The following PARP15 variants were observed in gnomAD, a reference collection of about 807,000 sequenced individuals.
The protein encoded by PARP15 is protein mono-ADP-ribosyltransferase PARP15.
PARP15 carries 50 observed loss-of-function variants against 62.1 expected under a neutral mutation model. That is an observed-to-expected ratio of 0.81 (90% CI 0.64 to 1.02). PARP15 has a LOEUF of 1.02. Among genes scored for constraint, PARP15 ranks in the 50% least tolerant of loss-of-function variants. The pLI, the probability that PARP15 is intolerant of heterozygous loss-of-function variation, is 0.00. For missense variants in PARP15, 820 were observed against 826.5 expected, an observed-to-expected ratio of 0.99 and a Z score of 0.10; for synonymous variants, 309 against 293.1, an observed-to-expected ratio of 1.05 and a Z score of -0.55.
chr3:122,629,614 C>T lies in PARP15; in HGVS notation c.1439-2472C>T, dbSNP rs552900438. On this transcript the variant is annotated intron_variant, in intron 9 of 11. Transcript: ENST00000464300. Reference sequence around the variant, plus strand: ...TGAAGGGGGTGGTTTCAGGATGGTCCGAGTGCATTACATTTATTGTCCACT... The same window carrying T: ...TGAAGGGGGTGGTTTCAGGATGGTCTGAGTGCATTACATTTATTGTCCACT... Among the ~76,000 whole-genome samples, 18 of 152,140 alleles carry T rather than the reference C, an allele frequency of 1.2e-4. 1 individual carries two copies. The East Asian group carries it at 2.5e-3, about 21-fold the overall frequency.
In PARP15 at chr3:122,615,096, A is replaced by G. The variant is rs1036595839; in HGVS notation, c.772-683A>G. 7.1e-6 allele frequency: 7 copies of G among 984,688 alleles called. No individual in the cohort carries two copies. The African/African-American group carries it at 1.2e-4, about 17-fold the overall frequency. 61.0% of individuals were successfully genotyped at this position (984,688 alleles called of 1,614,324 possible). A position where few individuals can be genotyped will look rare whatever the true frequency, so the allele number is the denominator to read the frequency against. ...AAAGAGAAAAAGAAAAAGTAGAAAC[A>G]GTCCCAAAGATACCTGAAAAGAAAG... On this transcript the variant is annotated intron_variant, in intron 4 of 11. Transcript: ENST00000464300.
At chr3:122,591,485 A>T (rs936994943) in intron 1 of PARP15, among the ~76,000 whole-genome samples, 1 of 152,174 alleles carries the variant, frequency 6.6e-6, no homozygotes, top group African/African-American at 2.4e-5. Flanking sequence ...TATTGGGGCC[A>T]GGCACAGTGG....
intron 1 of PARP15, among the ~76,000 whole-genome samples, chr3:122,592,892 A>G (rs2107480276): frequency 1.3e-5 from 2 of 152,314 alleles, no homozygotes; most frequent in East Asian, 3.9e-4. Context: ...TATTAATGCT[A>G]CAGCAAGAAT....
intron 9 of PARP15, among the ~76,000 whole-genome samples, chr3:122,628,476 A>AT (rs1936870686): frequency 2.0e-5 from 3 of 152,054 alleles, no homozygotes; most frequent in African/African-American, 2.4e-5. Context: ...ATAAACTAAC[A>AT]TTTTTTCCCT....
chr3:122,624,024 A>G (rs996930354), intron 8 of PARP15, among the ~76,000 whole-genome samples: 2 of 151,954 alleles, frequency 1.3e-5, no homozygotes, highest in Non-Finnish European at 2.9e-5. Context: ...GGTGGCGGAC[A>G]CCTCTAGTCT....
Position 122,632,195 on chromosome 3 carries a change from T to A in PARP15, c.1548T>A (p.Thr516=). 1 of 1,613,800 alleles carries A rather than the reference T, an allele frequency of 6.2e-7. No individual in the cohort carries two copies. The change falls in exon 10 of 12, where the codon ACT becomes ACA. Residue 516 remains threonine (T), a synonymous_variant. Coordinates refer to ENST00000464300, the MANE Select transcript of PARP15 (RefSeq NM_001113523.3). ...YNTIKDKFTR[T]CSSYAIEKIE... ...CCATAAAGGACAAGTTCACCCGAAC[T>A]TGTTCTTCCTACGCAATAGAGAAGG... is the stretch of plus-strand genomic sequence containing the variant.
chr3:122,603,365 A>G (rs1934944022), intron 1 of PARP15, among the ~76,000 whole-genome samples: 1 of 152,174 alleles, frequency 6.6e-6, no homozygotes, highest in South Asian at 2.1e-4. Flanking sequence ...ACCGAAAAAA[A>G]ATCAGTGTCA....
In PARP15 at chr3:122,624,374, C is replaced by T. The variant is rs187692537; in HGVS notation, c.1232-2453C>T. On this transcript the variant is annotated intron_variant, in intron 8 of 11. Transcript: ENST00000464300. ...CCTTATATAGGGTGATCAATTCTTT[C>T]GAGTTTGACCAGGACTTTCCTGGTT... Among the ~76,000 whole-genome samples the T allele has an allele frequency of 2.8e-4, 42 of 152,238 alleles. 1 individual carries two copies. The highest frequency in any genetic ancestry group is 2.1e-3 in the Admixed American group (32 of 15,298).
At chr3:122,611,729 T>A (rs1338340726) in intron 3 of PARP15, among the ~76,000 whole-genome samples, 8 of 151,714 alleles carry the variant, frequency 5.3e-5, no homozygotes, top group East Asian at 3.9e-4. Flanking sequence ...TTATTTATTT[T>A]TTGAGATGGA....
Position 122,635,996 on chromosome 3 carries a change from G to A in PARP15, c.1933G>A (p.Asp645Asn). Residue 645 changes from aspartate to asparagine, a missense_variant, in exon 12 of 12, where the codon GAT becomes AAT. Physicochemically the swap from Asp to Asn is conservative, Grantham distance 23 (BLOSUM62 1). Around this residue, in one of 3 missense-constraint regions of PARP15, gnomAD observed 84 missense variants for 79.7 expected, o/e 1.05. Transcript: ENST00000464300. ...ACCCAAGAATCCTCACAATCCCACA[G>A]ATCTCTTTGACTCAGTGACAAACAA... ...PPPKNPHNPT[D>N]LFDSVTNNTR... 5.0e-6 allele frequency: 8 copies of A among 1,614,126 alleles called. No individual in the cohort carries two copies. Among genetic ancestry groups the A allele is most frequent in the Non-Finnish European group, 3.4e-6 (4 of 1,180,008 alleles).
chr3:122,591,823 A>C (rs1933950661), intron 1 of PARP15, among the ~76,000 whole-genome samples: 1 of 150,746 alleles, frequency 6.6e-6, no homozygotes, highest in Non-Finnish European at 1.5e-5. Context: ...TTTCATTTGC[A>C]AACTATGGTT....
intron 1 of PARP15, among the ~76,000 whole-genome samples, chr3:122,604,319 C>T (rs1935010916): frequency 6.6e-6 from 1 of 152,138 alleles, no homozygotes; most frequent in African/African-American, 2.4e-5. Context: ...AATAGTCAAA[C>T]TTCAAATGCA....
intron 1 of PARP15, among the ~76,000 whole-genome samples, chr3:122,600,231 G>C (rs1217564688): frequency 6.6e-6 from 1 of 152,044 alleles, no homozygotes; most frequent in Non-Finnish European, 1.5e-5. Flanking sequence ...AAGTAGGCTA[G>C]GGAGTTCAAT....
chr3:122,586,105 G>T (rs989690775), intron 1 of PARP15, among the ~76,000 whole-genome samples: 2 of 152,106 alleles, frequency 1.3e-5, no homozygotes, highest in African/African-American at 2.4e-5. Flanking sequence ...TTAGGTGTTG[G>T]TTGTGAGGTA....
intron 1 of PARP15, among the ~76,000 whole-genome samples, chr3:122,579,639 A>T (rs1327399794): frequency 6.6e-6 from 1 of 151,988 alleles, no homozygotes; most frequent in African/African-American, 2.4e-5. Flanking sequence ...GTTAAATTTC[A>T]TTGTGGTCAG....
chr3:122,615,642 G>T, intron 4 of PARP15, 137 bp from the exon 5 acceptor site: 1 of 1,531,232 alleles, frequency 6.5e-7, no homozygotes, highest in Non-Finnish European at 8.8e-7. Flanking sequence ...AATCCTTTAA[G>T]AAGTCTCTGA....
intron 2 of PARP15, among the ~76,000 whole-genome samples, chr3:122,606,759 A>T (rs899133325): frequency 3.9e-5 from 6 of 152,172 alleles, no homozygotes; most frequent in African/African-American, 1.4e-4. Context: ...AAGCATTCCA[A>T]GTGATTATCT....
At chr3:122,620,168 G>A (rs1354703997) in intron 7 of PARP15, among the ~76,000 whole-genome samples, 1 of 152,176 alleles carries the variant, frequency 6.6e-6, no homozygotes, top group African/African-American at 2.4e-5. Flanking sequence ...CTCATCAGTA[G>A]GAAAGTTCTA....
chr3:122,605,982 A>T lies in PARP15; in HGVS notation c.233A>T (p.Asn78Ile). ...FSKKDCLSIR[N>I]VVASIQTKEG... is the part of the protein sequence containing the mutation. ...AAGAAAGATTGTCTTTCAATCAGGA[A>T]TGTTGTAGCTTCAATCCAAACCAAA... Residue 78 changes from asparagine (N) to isoleucine (I), a missense_variant, in exon 2 of 12, where the codon AAT (asparagine) becomes ATT (isoleucine). Physicochemically the swap from Asn to Ile is moderately radical, Grantham distance 149 (BLOSUM62 -3). Around this residue, in one of 3 missense-constraint regions of PARP15, gnomAD observed 731 missense variants for 727.7 expected, o/e 1.00. Coordinates refer to ENST00000464300, the MANE Select transcript of PARP15 (RefSeq NM_001113523.3). 1 of 1,551,910 alleles carries T rather than the reference A, an allele frequency of 6.4e-7. No individual in the cohort carries two copies.
Sources: allele counts gnomAD v4.1 joint callset (sites outside exome capture counted in the v4.1 genomes callset), GRCh38; gene constraint gnomAD v4.1.1; regional missense constraint gnomAD v4.1.1; transcripts MANE v1.5; gene names NCBI Gene and HGNC (gene_info 2026-07-23, HGNC 2026-07-21).